The following REPS1 variants were observed in gnomAD, a reference collection of about 807,000 sequenced individuals.
REPS1 encodes the protein RALBP1 associated Eps domain containing 1.
REPS1 carries 39 observed loss-of-function variants against 100.9 expected under a neutral mutation model. The observed-to-expected ratio is 0.39, with a 90% confidence interval of 0.30 to 0.50. REPS1 has a LOEUF of 0.50. Among genes scored for constraint, REPS1 ranks in the 20% least tolerant of loss-of-function variants. The probability of loss-of-function intolerance (pLI) is 0.86; values close to 1 mark genes in which losing one functional copy is unlikely to be tolerated. For synonymous variants in REPS1, 324 were observed against 340.3 expected, an observed-to-expected ratio of 0.95 and a Z score of 0.53; for missense variants, 821 against 968.5, an observed-to-expected ratio of 0.85 and a Z score of 2.02.
At chr6:138,906,653 G>T (rs1486130157) in intron 19 of REPS1, among the ~76,000 whole-genome samples, 1 of 152,158 alleles carries the variant, frequency 6.6e-6, no homozygotes, top group Non-Finnish European at 1.5e-5. Context: ...TGAACTAACT[G>T]CATTCATTTT....
At chr6:138,919,350 G>T (rs966691166) in intron 12 of REPS1, among the ~76,000 whole-genome samples, 1 of 152,136 alleles carries the variant, frequency 6.6e-6, no homozygotes, top group African/African-American at 2.4e-5. Flanking sequence ...CTCCTAAATT[G>T]TGTCCTGTTT....
intron 5 of REPS1, 34 bp from the exon 6 acceptor site, chr6:138,944,049 CT>C: frequency 1.3e-6 from 2 of 1,599,370 alleles, no homozygotes. Context: ...AGTACAATAT[CT>C]ACCTACATGA....
At chr6:138,914,098 C>G (rs946942729) in intron 15 of REPS1, among the ~76,000 whole-genome samples, 1 of 150,620 alleles carries the variant, frequency 6.6e-6, no homozygotes, top group Non-Finnish European at 1.5e-5. Flanking sequence ...GAGACAGGGT[C>G]TCACTCTGTC....
chr6:138,936,322 C>T (rs1328708494), intron 8 of REPS1, among the ~76,000 whole-genome samples: 2 of 152,072 alleles, frequency 1.3e-5, no homozygotes, highest in East Asian at 1.9e-4. Context: ...CCTACCAAAG[C>T]GCTTCTGGGA....
At chr6:138,935,863 G>C (rs1482459022) in intron 8 of REPS1, among the ~76,000 whole-genome samples, 16 of 116,768 alleles carry the variant, frequency 1.4e-4, no homozygotes, top group African/African-American at 3.2e-4. Context: ...TGGCGGGGGG[G>C]GGGGGCGCGG....
chr6:138,907,326 GT>G, intron 19 of REPS1, 168 bp downstream of exon 19: 5 of 479,760 alleles, frequency 1.0e-5, no homozygotes, highest in Non-Finnish European at 1.9e-5. Flanking sequence ...GTGTGTGTGT[GT>G]GTGTGTGTGT....
At chr6:138,947,035 G>GCTCTCTCTCTCTCT (rs10581264) in intron 2 of REPS1, among the ~76,000 whole-genome samples, 102 of 137,708 alleles carry the variant, frequency 7.4e-4, no homozygotes, top group South Asian at 2.6e-3. Context: ...ATTCCCCCTT[G>GCTCTCTCTCTCTCT]CTCTCTCTCT....
chr6:138,987,765 G>A lies in REPS1; in HGVS notation c.-83C>T. ...AGGAACCTGGGCCGGCAGGGGCTGCGCGTGGCCCGGCCTCCTGCTAGCTTC... is the reference window on the plus strand; with the variant it reads ...AGGAACCTGGGCCGGCAGGGGCTGCACGTGGCCCGGCCTCCTGCTAGCTTC... On this transcript the variant is annotated 5_prime_UTR_variant, in exon 1 of 20. Coordinates refer to ENST00000450536, the MANE Select transcript of REPS1 (RefSeq NM_001286611.2). 7.2e-7 allele frequency: 1 copy of A among 1,390,488 alleles called. No individual in the cohort carries two copies. The highest frequency in any genetic ancestry group is 9.4e-7 in the Non-Finnish European group (1 of 1,068,342). 86.1% of individuals were successfully genotyped at this position (1,390,488 alleles called of 1,614,324 possible).
chr6:138,974,915 G>A (rs915183754), intron 1 of REPS1, among the ~76,000 whole-genome samples: 4 of 151,918 alleles, frequency 2.6e-5, no homozygotes, highest in African/African-American at 9.7e-5. Context: ...TCTTGAGCCT[G>A]GGAGGTTGAG....
At chr6:138,973,974 A>G (rs1784467360) in intron 1 of REPS1, among the ~76,000 whole-genome samples, 1 of 152,176 alleles carries the variant, frequency 6.6e-6, no homozygotes, top group Non-Finnish European at 1.5e-5. Flanking sequence ...GGAAGCAGAC[A>G]GGCACAGTGA....
At chr6:138,985,023 C>T (rs1785175783) in intron 1 of REPS1, among the ~76,000 whole-genome samples, 1 of 152,212 alleles carries the variant, frequency 6.6e-6, no homozygotes. Flanking sequence ...CACTCAAAGT[C>T]AAAAACTTTT....
chr6:138,921,551 C>T (rs1370658525), intron 10 of REPS1, among the ~76,000 whole-genome samples: 1 of 132,732 alleles, frequency 7.5e-6, no homozygotes, highest in African/African-American at 2.8e-5. Context: ...CTCGGGGATG[C>T]TTAGGTAGGA....
intron 1 of REPS1, among the ~76,000 whole-genome samples, chr6:138,949,637 G>A (rs556921269): frequency 1.3e-4 from 20 of 152,098 alleles, no homozygotes; most frequent in South Asian, 6.2e-4. Flanking sequence ...GAGGTGAGAG[G>A]ATCATTTGAA....
intron 1 of REPS1, among the ~76,000 whole-genome samples, chr6:138,953,564 A>G (rs1783178805): frequency 6.6e-6 from 1 of 152,132 alleles, no homozygotes. Context: ...TCTCAAAGGA[A>G]GTCATATGCA....
chr6:138,941,334 C>T lies in REPS1; in HGVS notation c.1135+1G>A, dbSNP rs746145783. 6.2e-7 allele frequency: 1 copy of T among 1,613,788 alleles called. No individual in the cohort carries two copies. On this transcript the variant is annotated splice_donor_variant, in intron 8 of 19. Transcript: ENST00000450536. LOFTEE classifies it high-confidence loss of function. Reference sequence around the variant, plus strand: ...CAGCTCTCTTCAGCTCCCAATCTTACCTGCTGAATCTTCCAAATCAATCAG... The same window carrying T: ...CAGCTCTCTTCAGCTCCCAATCTTATCTGCTGAATCTTCCAAATCAATCAG...
chr6:138,914,388 G>A (rs1780216822), intron 15 of REPS1, among the ~76,000 whole-genome samples: 1 of 152,128 alleles, frequency 6.6e-6, no homozygotes, highest in African/African-American at 2.4e-5. Context: ...AAGTGATTTT[G>A]TGAGTCACTG....
intron 1 of REPS1, among the ~76,000 whole-genome samples, chr6:138,978,716 TTTCATA>T (rs1307687917): frequency 6.6e-6 from 1 of 152,170 alleles, no homozygotes; most frequent in Non-Finnish European, 1.5e-5. Flanking sequence ...TTTTTCTTAC[TTTCATA>T]TTAAGATTTT....
chr6:138,944,577 G>A lies in REPS1; in HGVS notation c.674C>T (p.Pro225Leu), dbSNP rs1782490953. ...AAAACTGACCCAGTTTTCTTGAGGTGGAGGTGGGGAATGCCCTGACCACAC... is the reference window on the plus strand; with the variant it reads ...AAAACTGACCCAGTTTTCTTGAGGTAGAGGTGGGGAATGCCCTGACCACAC... The part of the protein sequence containing the change: ...DAVWSGHSPP[P>L]PQENWVSFAD... Residue 225 changes from proline to leucine, a missense_variant, in exon 5 of 20, where the codon CCA (proline) becomes CTA (leucine). By Grantham distance (98) the Pro-to-Leu change is moderately conservative. Coordinates refer to ENST00000450536, the MANE Select transcript of REPS1 (RefSeq NM_001286611.2). 2 of 1,613,998 alleles carry A rather than the reference G, an allele frequency of 1.2e-6. No homozygotes were observed. Among genetic ancestry groups the A allele is most frequent in the Non-Finnish European group, 1.7e-6 (2 of 1,179,864 alleles).
Position 138,915,875 on chromosome 6 carries a change from G to A in REPS1, c.1703C>T (p.Thr568Ile). Residue 568 changes from threonine (T) to isoleucine (I), a missense_variant, in exon 14 of 20, where the codon ACC becomes ATC. Coordinates refer to ENST00000450536, the MANE Select transcript of REPS1 (RefSeq NM_001286611.2). ...GCCCCTACCTGTGGTGACTGTAAAGGTCCGATTCATATCTAAAGATGATGA... is the reference window on the plus strand; with the variant it reads ...GCCCCTACCTGTGGTGACTGTAAAGATCCGATTCATATCTAAAGATGATGA... ...SRSSSLDMNR[T>I]FTVTTGQQQA... is the part of the protein sequence containing the mutation. 6.2e-7 allele frequency: 1 copy of A among 1,610,916 alleles called. No homozygotes were observed. The highest frequency in any genetic ancestry group is 8.5e-7 in the Non-Finnish European group (1 of 1,177,104).
Sources: allele counts gnomAD v4.1 joint callset (sites outside exome capture counted in the v4.1 genomes callset), GRCh38; gene constraint gnomAD v4.1.1; transcripts MANE v1.5; gene names NCBI Gene and HGNC (gene_info 2026-07-23, HGNC 2026-07-21).